Variants in PIK3C2G observed in about 807,000 individuals in gnomAD.
PIK3C2G encodes phosphatidylinositol 3-kinase C2 domain-containing subunit gamma.
A neutral mutation model predicts 181.1 loss-of-function variants in PIK3C2G; 168 were observed. The ratio of observed to expected loss-of-function variants is 0.93; its 90% CI spans 0.82 to 1.05. PIK3C2G has a LOEUF of 1.05. Ranked by LOEUF, PIK3C2G falls within the 50% of genes least tolerant of loss-of-function variation. The pLI is 0.00. For missense variants in PIK3C2G, 1,869 were observed against 1,732.8 expected, an observed-to-expected ratio of 1.08 and a Z score of -1.40; for synonymous variants, 573 against 592.2, an observed-to-expected ratio of 0.97 and a Z score of 0.47.
At chr12:18,333,485 G>T (rs1011411648) in intron 8 of PIK3C2G, among the ~76,000 whole-genome samples, 2 of 151,938 alleles carry the variant, frequency 1.3e-5, no homozygotes, top group African/African-American at 4.8e-5. Context: ...CACTCCCTGT[G>T]CCCCTGTGTT....
At chr12:18,300,447 A>T (rs993513418) in intron 5 of PIK3C2G, among the ~76,000 whole-genome samples, 3 of 151,670 alleles carry the variant, frequency 2.0e-5, no homozygotes, top group Non-Finnish European at 4.4e-5. Context: ...ACTTCTGCTT[A>T]CTTTTGGTTT....
the PIK3C2G span, among the ~76,000 whole-genome samples, chr12:18,662,056 T>A: frequency 1.5e-4 from 23 of 152,114 alleles, no homozygotes; most frequent in African/African-American, 5.3e-4. Context: ...TTCTCCCGTA[T>A]TAAGTAGGAA....
intron 26 of PIK3C2G, among the ~76,000 whole-genome samples, chr12:18,551,732 A>G (rs116781791): frequency 5.6e-4 from 85 of 152,124 alleles, no homozygotes; most frequent in African/African-American, 2.0e-3. Flanking sequence ...AAGGCTCTAC[A>G]TGGAGTCAAA....
At chr12:18,413,730 A>T (rs1252107539) in intron 16 of PIK3C2G, among the ~76,000 whole-genome samples, 1 of 152,146 alleles carries the variant, frequency 6.6e-6, no homozygotes, top group East Asian at 1.9e-4. Context: ...CAGAATTGCT[A>T]AAGAGTGTCT....
At chr12:18,319,654 T>C (rs1951019823) in intron 6 of PIK3C2G, among the ~76,000 whole-genome samples, 1 of 152,232 alleles carries the variant, frequency 6.6e-6, no homozygotes, top group South Asian at 2.1e-4. Flanking sequence ...TAGAAAGATG[T>C]AACTAAGTAT....
chr12:18,505,173 G>T, intron 23 of PIK3C2G, 119 bp from the exon 24 acceptor site: 2 of 807,334 alleles, frequency 2.5e-6, no homozygotes, highest in South Asian at 4.0e-5. Flanking sequence ...CTGAGATGTA[G>T]AAATTTTTCC....
chr12:18,600,659 G>C (rs1183824953), intron 30 of PIK3C2G, among the ~76,000 whole-genome samples: 2 of 152,080 alleles, frequency 1.3e-5, no homozygotes, highest in African/African-American at 4.8e-5. Context: ...TATAGTAACA[G>C]ACTACCTGTT....
At chr12:18,317,820 C>T (rs1950934362) in intron 6 of PIK3C2G, among the ~76,000 whole-genome samples, 1 of 152,164 alleles carries the variant, frequency 6.6e-6, no homozygotes, top group Non-Finnish European at 1.5e-5. Flanking sequence ...ATTGTTAAAT[C>T]TCTGTTTAAT....
At chr12:18,421,239 T>A (rs985312666) in intron 17 of PIK3C2G, among the ~76,000 whole-genome samples, 1 of 152,024 alleles carries the variant, frequency 6.6e-6, no homozygotes, top group East Asian at 1.9e-4. Flanking sequence ...AAAAGGAAAA[T>A]TTTTTAAAAA....
At chr12:18,695,029 TC>T in the PIK3C2G span, 1 of 1,613,014 alleles carries the variant, frequency 6.2e-7, no homozygotes, top group East Asian at 2.2e-5. Flanking sequence ...TCCAAAAATT[TC>T]CCATTTTGCA....
chr12:18,319,449 G>C (rs1951010840), intron 6 of PIK3C2G, among the ~76,000 whole-genome samples: 5 of 150,808 alleles, frequency 3.3e-5, no homozygotes, highest in South Asian at 4.2e-4. Context: ...TCCAGCTTTT[G>C]TTTTTTTTCA....
rs1216300671 is a variant in PIK3C2G at position 18,424,010 on chromosome 12, GA to G, written c.2476del (p.Ser826AlafsTer12). On this transcript the variant is annotated frameshift_variant, in exon 18 of 33. Coordinates refer to ENST00000538779, the MANE Select transcript of PIK3C2G (RefSeq NM_001288772.2). LOFTEE classifies it high-confidence loss of function. ...VQLLLHRSLQ[S>X]IQVAHRLYWL... Reference sequence around the variant, plus strand: ...AACTTCTACTCCACCGCTCCTTGCAGAGCATCCAGGTTGCCCATCGTCTTTA... The same window carrying G: ...AACTTCTACTCCACCGCTCCTTGCAGGCATCCAGGTTGCCCATCGTCTTTA... 2 of 1,611,032 alleles carry G rather than the reference GA, an allele frequency of 1.2e-6. No individual in the cohort carries two copies. The highest frequency in any genetic ancestry group is 3.4e-5 in the Admixed American group (2 of 59,688).
chr12:18,583,996 A>C (rs1203123295), intron 29 of PIK3C2G, among the ~76,000 whole-genome samples: 2 of 152,006 alleles, frequency 1.3e-5, no homozygotes, highest in Non-Finnish European at 2.9e-5. Flanking sequence ...GACAGATAAA[A>C]TAGACAGTTT....
At chr12:18,675,694 GA>G in the PIK3C2G span, among the ~76,000 whole-genome samples, 1 of 152,060 alleles carries the variant, frequency 6.6e-6, no homozygotes, top group African/African-American at 2.4e-5. Flanking sequence ...ACATAGCCAG[GA>G]AAAAGAATAA....
At chr12:18,275,043 A>G (rs1948924111) in intron 1 of PIK3C2G, among the ~76,000 whole-genome samples, 1 of 152,222 alleles carries the variant, frequency 6.6e-6, no homozygotes, top group Non-Finnish European at 1.5e-5. Flanking sequence ...TTAAAAGTCC[A>G]TAAGAACAAT....
At chr12:18,579,238 C>CATG (rs1422191654) in intron 29 of PIK3C2G, among the ~76,000 whole-genome samples, 1 of 151,960 alleles carries the variant, frequency 6.6e-6, no homozygotes, top group African/African-American at 2.4e-5. Context: ...TAAATACAGA[C>CATG]ATGAATATAA....
chr12:18,720,184 A>G, the PIK3C2G span, among the ~76,000 whole-genome samples: 1 of 152,072 alleles, frequency 6.6e-6, no homozygotes, highest in East Asian at 1.9e-4. Flanking sequence ...GCATGTAGTT[A>G]TAGTTATACA....
At chr12:18,281,555 G>A (rs779964492) in intron 1 of PIK3C2G, among the ~76,000 whole-genome samples, 31 of 151,984 alleles carry the variant, frequency 2.0e-4, no homozygotes, top group Non-Finnish European at 3.5e-4. Context: ...ACCATATTAA[G>A]GTGATTAGTT....
intron 1 of PIK3C2G, among the ~76,000 whole-genome samples, chr12:18,271,019 A>T (rs1450864072): frequency 6.6e-6 from 1 of 152,068 alleles, no homozygotes; most frequent in Non-Finnish European, 1.5e-5. Flanking sequence ...TGTAAGGAAG[A>T]CTTGGCTCTC....
Sources: allele counts gnomAD v4.1 joint callset (sites outside exome capture counted in the v4.1 genomes callset), GRCh38; gene constraint gnomAD v4.1.1; transcripts MANE v1.5; gene names NCBI Gene and HGNC (gene_info 2026-07-23, HGNC 2026-07-21).